Variants in ANKHD1 observed in about 807,000 individuals in gnomAD.
ANKHD1 encodes ankyrin repeat and KH domain-containing protein 1.
Under a neutral mutation model 230.5 loss-of-function variants are expected in ANKHD1, and 31 were observed. The ratio of observed to expected loss-of-function variants is 0.13; its 90% CI spans 0.10 to 0.18. The LOEUF (loss-of-function observed/expected upper bound fraction) is 0.18. Ranked by LOEUF, ANKHD1 falls within the 10% of genes least tolerant of loss-of-function variation. ANKHD1 has a pLI of 1.00. For synonymous variants in ANKHD1, 1,074 were observed against 1,117.6 expected (o/e 0.96, Z 0.78); for missense variants, 2,256 against 3,071.3 (o/e 0.73, Z 6.27).
intron 2 of ANKHD1, among the ~76,000 whole-genome samples, chr5:140,437,531 C>G (rs1041822944): frequency 1.3e-5 from 2 of 152,126 alleles, no homozygotes; most frequent in African/African-American, 4.8e-5. Context: ...GGTGAAACCT[C>G]GTCTTTACTA....
intron 10 of ANKHD1, among the ~76,000 whole-genome samples, chr5:140,473,584 G>T (rs1184027698): frequency 6.6e-6 from 1 of 152,110 alleles, no homozygotes; most frequent in African/African-American, 2.4e-5. Context: ...GGGACTAGAG[G>T]CATGTGCCAC....
intron 14 of ANKHD1, among the ~76,000 whole-genome samples, chr5:140,488,802 A>G (rs1751625673): frequency 6.6e-6 from 1 of 152,042 alleles, no homozygotes; most frequent in Non-Finnish European, 1.5e-5. Context: ...AGGGAAGCTG[A>G]GGCATGAGAA....
intron 7 of ANKHD1, among the ~76,000 whole-genome samples, chr5:140,455,317 C>G (rs1171078700): frequency 6.6e-6 from 1 of 152,140 alleles, no homozygotes; most frequent in African/African-American, 2.4e-5. Flanking sequence ...CCTTTTGAAA[C>G]TATTCCAATC....
chr5:140,531,216 C>T, intron 29 of ANKHD1: 1 of 336,514 alleles, frequency 3.0e-6, no homozygotes, highest in South Asian at 2.2e-5. Context: ...CATTTCTTAA[C>T]TGCTTGTATG....
intron 1 of ANKHD1, among the ~76,000 whole-genome samples, chr5:140,411,671 C>A (rs1770936661): frequency 6.6e-6 from 1 of 151,706 alleles, no homozygotes; most frequent in Non-Finnish European, 1.5e-5. Flanking sequence ...AGGCGGCCAC[C>A]ACCATACCCA....
Position 140,527,170 on chromosome 5 carries a change from G to T in ANKHD1, c.5087+96G>T. The stretch of plus-strand genomic sequence containing the variant: ...TTAATTAATGAATAATTTGAATGTG[G>T]TTATTATTTTAAACTGCATTGCCAC... On this transcript the variant is annotated intron_variant, in intron 27 of 33. Coordinates refer to ENST00000360839, the MANE Select transcript of ANKHD1 (RefSeq NM_017747.3). The surrounding 1 kb of genome is among the most constrained non-coding windows in gnomAD (Gnocchi z 4.5). 1 of 1,420,334 alleles carries T rather than the reference G, an allele frequency of 7.0e-7. No homozygotes were observed. Among genetic ancestry groups the T allele is most frequent in the Non-Finnish European group, 9.3e-7 (1 of 1,081,012 alleles). The allele number at this position is 1,420,334 out of a possible 1,614,324, so 88.0% of individuals were successfully genotyped here.
chr5:140,468,593 C>T (rs897896832), intron 10 of ANKHD1, among the ~76,000 whole-genome samples: 1 of 152,034 alleles, frequency 6.6e-6, no homozygotes. Context: ...AAAACATAGA[C>T]CCAAGTCCTC....
chr5:140,528,340 C>T lies in ANKHD1; in HGVS notation c.5394C>T (p.Thr1798=). 1 of 1,614,070 alleles carries T rather than the reference C, an allele frequency of 6.2e-7. No homozygotes were observed. The highest frequency in any genetic ancestry group is 8.5e-7 in the Non-Finnish European group (1 of 1,180,018). Residue 1798 remains threonine, a synonymous_variant, in exon 29 of 34, where the codon ACC becomes ACT. Coordinates refer to ENST00000360839, the MANE Select transcript of ANKHD1 (RefSeq NM_017747.3). ...CTAACTTCTCATCTGGAGTAGGTAC[C>T]ACAGCAGCTTCCAGTAAAAATGCAT... is the stretch of plus-strand genomic sequence containing the variant. ...IHANFSSGVG[T]TAASSKNAFP...
chr5:140,512,033 C>G (rs1365768550), intron 22 of ANKHD1, among the ~76,000 whole-genome samples: 1 of 152,048 alleles, frequency 6.6e-6, no homozygotes. Context: ...GTCAGGAGTT[C>G]AAGACCAGCC....
chr5:140,485,684 C>A lies in ANKHD1; in HGVS notation c.2094C>A (p.Pro698=), dbSNP rs777150216. The A allele has an allele frequency of 6.2e-7, 1 of 1,614,012 alleles. No individual in the cohort carries two copies. Among genetic ancestry groups the A allele is most frequent in the South Asian group, 1.1e-5 (1 of 91,082 alleles). Residue 698 remains proline (P), a synonymous_variant, in exon 13 of 34, where the codon CCC becomes CCA. Coordinates refer to ENST00000360839, the MANE Select transcript of ANKHD1 (RefSeq NM_017747.3). The surrounding 1 kb of genome is among the most constrained non-coding windows in gnomAD (Gnocchi z 4.8). The stretch of plus-strand genomic sequence containing the variant: ...ATCCAAATAATGTTCTGTCAGTTCC[C>A]ACCACAGATGTGTCTCAGCTCCCTC... The part of the protein sequence containing the change: ...LDYPNNVLSV[P]TTDVSQLPPP...
intron 6 of ANKHD1, among the ~76,000 whole-genome samples, chr5:140,447,859 T>C (rs1249873730): frequency 6.6e-6 from 1 of 152,222 alleles, no homozygotes; most frequent in Non-Finnish European, 1.5e-5. Context: ...AGAGTCTTCC[T>C]AGGTGTGCGG....
intron 28 of ANKHD1, 65 bp downstream of exon 28, chr5:140,528,087 G>A (rs140207611): frequency 6.3e-7 from 1 of 1,581,770 alleles, no homozygotes; most frequent in Non-Finnish European, 8.6e-7. Context: ...CCTTTGTCAG[G>A]TATGGTATAA....
chr5:140,496,445 T>TC, intron 14 of ANKHD1, 75 bp from the exon 15 acceptor site: 1 of 1,116,844 alleles, frequency 9.0e-7, no homozygotes, highest in Non-Finnish European at 1.2e-6. Flanking sequence ...CTGGTTTTCT[T>TC]TTTTTTTTTT....
chr5:140,503,671 G>A (rs911925155), intron 15 of ANKHD1, among the ~76,000 whole-genome samples: 13 of 140,014 alleles, frequency 9.3e-5, no homozygotes, highest in African/African-American at 2.2e-4. Context: ...AGGTTAAAGC[G>A]ATTCTCCTGG....
rs563421139 is a variant in ANKHD1 at position 140,449,199 on chromosome 5, C to T, written c.1148-12C>T. 87 of 1,596,946 alleles carry T rather than the reference C, an allele frequency of 5.4e-5. No homozygotes were observed. The Middle Eastern group carries it at 1.3e-3, about 24-fold the overall frequency. On this transcript the variant is annotated splice_polypyrimidine_tract_variant and intron_variant, in intron 6 of 33. Transcript: ENST00000360839. ...AGTGAATTCTTTTAAAATTTTTGTT[C>T]CTTTTTTCAAGGCCATTTGGATATG... is the stretch of plus-strand genomic sequence containing the variant.
intron 1 of ANKHD1, among the ~76,000 whole-genome samples, chr5:140,433,155 G>C (rs1183853786): frequency 2.0e-5 from 3 of 151,466 alleles, no homozygotes; most frequent in Non-Finnish European, 4.4e-5. Flanking sequence ...TGCAACCTCT[G>C]CCTCCTGTGT....
intron 1 of ANKHD1, among the ~76,000 whole-genome samples, chr5:140,425,475 T>C (rs537766347): frequency 5.3e-5 from 8 of 152,126 alleles, no homozygotes; most frequent in Admixed American, 2.6e-4. Flanking sequence ...CCCAGGCTGG[T>C]TTCTAACTAC....
intron 7 of ANKHD1, 74 bp from the exon 8 acceptor site, chr5:140,458,551 T>C: frequency 6.8e-7 from 1 of 1,479,626 alleles, no homozygotes; most frequent in Non-Finnish European, 9.1e-7. Flanking sequence ...TCTCTTGCTT[T>C]CTTCTCTCCC....
chr5:140,428,249 G>A (rs1218124837), intron 1 of ANKHD1, among the ~76,000 whole-genome samples: 5 of 152,150 alleles, frequency 3.3e-5, no homozygotes, highest in Non-Finnish European at 7.4e-5. Flanking sequence ...CCGGGCAGAG[G>A]CTGCAATCTC....
Sources: gnomAD v4.1 joint callset for allele counts (sites outside exome capture counted in the v4.1 genomes callset) on GRCh38, gnomAD v4.1.1 for gene constraint, Gnocchi (gnomAD v3.1) non-coding constraint, MANE v1.5 for transcripts, NCBI Gene and HGNC (gene_info 2026-07-23, HGNC 2026-07-21) for gene names.